Variants in C3orf20 observed in about 807,000 individuals in gnomAD.
C3orf20 encodes family with sequence similarity 149 member C, also known as uncharacterized protein C3orf20.
Under a neutral mutation model 88.3 loss-of-function variants are expected in C3orf20, and 76 were observed. That is an observed-to-expected ratio of 0.86 (90% confidence interval 0.72 to 1.04). C3orf20 has a LOEUF of 1.04. Ranked by LOEUF, C3orf20 falls within the 50% of genes least tolerant of loss-of-function variation. The pLI, the probability that C3orf20 is intolerant of heterozygous loss-of-function variation, is 0.00. For synonymous variants in C3orf20, 436 were observed against 437.4 expected (o/e 1.00, Z 0.04); for missense variants, 1,056 against 1,123.3 (o/e 0.94, Z 0.86).
intron 12 of C3orf20, among the ~76,000 whole-genome samples, chr3:14,736,590 CT>C (rs200133127): frequency 1.2e-3 from 167 of 143,012 alleles, no homozygotes; most frequent in Admixed American, 1.3e-3. Flanking sequence ...TGCGCCTGGC[CT>C]TTTTTTTTTT....
intron 5 of C3orf20, among the ~76,000 whole-genome samples, chr3:14,697,090 T>C (rs1406336875): frequency 6.6e-6 from 1 of 152,196 alleles, no homozygotes; most frequent in Non-Finnish European, 1.5e-5. Flanking sequence ...TCTTGCTGCT[T>C]TTAGGATCCT....
At chr3:14,730,460 T>G in intron 12 of C3orf20, among the ~76,000 whole-genome samples, 1 of 152,030 alleles carries the variant, frequency 6.6e-6, no homozygotes, top group African/African-American at 2.4e-5. Context: ...GGCAGGAGAA[T>G]GGCGTGAACC....
chr3:14,704,399 A>G lies in C3orf20; in HGVS notation c.941A>G (p.Tyr314Cys), dbSNP rs775139083. 4 of 1,614,034 alleles carry G rather than the reference A, an allele frequency of 2.5e-6. No individual in the cohort carries two copies. Among genetic ancestry groups the G allele is most frequent in the South Asian group, 2.2e-5 (2 of 91,082 alleles). The change falls in exon 7 of 17, where the codon TAC becomes TGC. Residue 314 changes from tyrosine to cysteine, a missense_variant. Transcript: ENST00000253697. The part of the protein sequence containing the change: ...NISYPMILRN[Y>C]KAKMPSHLML... The stretch of plus-strand genomic sequence containing the variant: ...TCCTACCCCATGATCTTACGAAACT[A>G]CAAGGCAAAGATGCCCTCTCATCTA...
intron 12 of C3orf20, among the ~76,000 whole-genome samples, chr3:14,743,676 C>T (rs573022248): frequency 2.6e-5 from 4 of 152,156 alleles, no homozygotes; most frequent in Admixed American, 1.3e-4. Flanking sequence ...AGCATCCAGG[C>T]GTTTCCATAC....
chr3:14,717,162 G>C (rs1242763057), intron 9 of C3orf20, among the ~76,000 whole-genome samples: 1 of 152,232 alleles, frequency 6.6e-6, no homozygotes, highest in Non-Finnish European at 1.5e-5. Flanking sequence ...AGTCTCAGCT[G>C]TCTCATCTAT....
chr3:14,767,426 T>G lies in C3orf20; in HGVS notation c.2496-4641T>G, dbSNP rs2035744606. ...AGGGAGGTGCCCTGGAGAGACAGTGTGCCCAGGTGATGCCACAAACCTGGC... is the reference window on the plus strand; with the variant it reads ...AGGGAGGTGCCCTGGAGAGACAGTGGGCCCAGGTGATGCCACAAACCTGGC... On this transcript the variant is annotated intron_variant, in intron 15 of 16. Transcript: ENST00000253697. 4 of 152,252 alleles carry G rather than the reference T, an allele frequency of 2.6e-5. No homozygotes were observed. In the South Asian group the frequency reaches 6.2e-4, roughly 24 times the overall value. The allele number at this position is 152,252 out of a possible 1,614,324, so 9.4% of individuals were successfully genotyped here.
chr3:14,720,881 T>G (rs1397603528), intron 9 of C3orf20, among the ~76,000 whole-genome samples: 1 of 152,234 alleles, frequency 6.6e-6, no homozygotes, highest in Non-Finnish European at 1.5e-5. Context: ...AATGATTTCA[T>G]GTGGAAGAAG....
rs766795133 is a variant in C3orf20, at chr3:14,759,929, G to A, written c.2283G>A (p.Leu761=). 1.2e-6 allele frequency: 2 copies of A among 1,614,142 alleles called. No individual in the cohort carries two copies. The highest frequency in any genetic ancestry group is 1.7e-5 in the Admixed American group (1 of 60,028). Residue 761 remains leucine, a synonymous_variant, in exon 14 of 17, where the codon CTG becomes CTA. Coordinates refer to ENST00000253697, the MANE Select transcript of C3orf20 (RefSeq NM_032137.5). ...YDSYRLLQYD[L]DSPLQEDPPL... ...CCTACCGCCTGCTGCAGTATGACCT[G>A]GACAGCCCCCTGCAGGAGGACCCTC...
rs556600705 is a variant in C3orf20, at chr3:14,720,221, G to A, written c.1435-1432G>A. Among the ~76,000 whole-genome samples the A allele has an allele frequency of 1.8e-4, 27 of 152,154 alleles. No individual in the cohort carries two copies. In the South Asian group the frequency reaches 2.1e-3, roughly 12 times the overall value. ...ATTTTTTTGTATATTTAGTAGAGAC[G>A]GGGTTTCACCGTATTAGCCAGGATG... On this transcript the variant is annotated intron_variant, in intron 9 of 16. Coordinates refer to ENST00000253697, the MANE Select transcript of C3orf20 (RefSeq NM_032137.5).
chr3:14,750,376 C>T (rs2035184597), intron 12 of C3orf20, among the ~76,000 whole-genome samples: 1 of 152,080 alleles, frequency 6.6e-6, no homozygotes, highest in African/African-American at 2.4e-5. Context: ...ATGGTGATAA[C>T]TTGTCTCTAC....
intron 12 of C3orf20, among the ~76,000 whole-genome samples, chr3:14,738,924 G>A (rs887586229): frequency 1.3e-5 from 2 of 150,638 alleles, no homozygotes; most frequent in East Asian, 2.0e-4. Flanking sequence ...CCAAAGTGCC[G>A]GGATTACAGG....
intron 3 of C3orf20, 139 bp downstream of exon 3, chr3:14,683,336 C>T: frequency 1.9e-6 from 2 of 1,075,564 alleles, no homozygotes; most frequent in Non-Finnish European, 2.6e-6. Flanking sequence ...CTGGAATCAT[C>T]CTCTCACTCC....
intron 12 of C3orf20, among the ~76,000 whole-genome samples, chr3:14,745,442 A>G (rs1490726520): frequency 1.3e-5 from 2 of 152,258 alleles, no homozygotes; most frequent in East Asian, 3.8e-4. Context: ...ATATTAAAAC[A>G]GTGTTCTGAA....
At chr3:14,739,711 A>G (rs2034843741) in intron 12 of C3orf20, among the ~76,000 whole-genome samples, 1 of 152,244 alleles carries the variant, frequency 6.6e-6, no homozygotes, top group Admixed American at 6.5e-5. Flanking sequence ...GTTGTTTAGT[A>G]TAGTCACCTT....
chr3:14,746,057 AT>A (rs1362769302), intron 12 of C3orf20, among the ~76,000 whole-genome samples: 2 of 152,172 alleles, frequency 1.3e-5, no homozygotes, highest in Admixed American at 1.3e-4. Flanking sequence ...CCCATTCTCC[AT>A]GTTTTACATA....
intron 12 of C3orf20, among the ~76,000 whole-genome samples, chr3:14,743,014 C>T (rs778524733): frequency 2.0e-5 from 3 of 151,850 alleles, no homozygotes; most frequent in Non-Finnish European, 2.9e-5. Flanking sequence ...TAATTCCACC[C>T]GTGGCCCCCC....
rs1177447245 is a variant in C3orf20, at chr3:14,682,722, C to T, written c.9C>T (p.Tyr3=). 5.6e-6 allele frequency: 9 copies of T among 1,608,896 alleles called. No individual in the cohort carries two copies. Among genetic ancestry groups the T allele is most frequent in the East Asian group, 2.2e-5 (1 of 44,854 alleles). Reference sequence around the variant, plus strand: ...AGCTGAAGGTCCCTCTCATGAGTTACATCAAGAGTAACCTAGAATTATATC... The same window carrying T: ...AGCTGAAGGTCCCTCTCATGAGTTATATCAAGAGTAACCTAGAATTATATC... MS[Y]IKSNLELYQQ... is the part of the protein sequence containing the mutation. Residue 3 remains tyrosine (Y), a synonymous_variant, in exon 3 of 17, where the codon TAC becomes TAT. Coordinates refer to ENST00000253697, the MANE Select transcript of C3orf20 (RefSeq NM_032137.5).
intron 5 of C3orf20, among the ~76,000 whole-genome samples, chr3:14,696,499 T>A (rs538248398): frequency 6.6e-6 from 1 of 151,786 alleles, no homozygotes; most frequent in South Asian, 2.1e-4. Context: ...CAAGCAAGCC[T>A]CCTGCCTCAG....
At chr3:14,718,451 C>A (rs2034020695) in intron 9 of C3orf20, among the ~76,000 whole-genome samples, 1 of 152,098 alleles carries the variant, frequency 6.6e-6, no homozygotes, top group African/African-American at 2.4e-5. Context: ...CTTACAAGTA[C>A]ATTTTCCCTT....
Sources: gnomAD v4.1 joint callset for allele counts (sites outside exome capture counted in the v4.1 genomes callset) on GRCh38, gnomAD v4.1.1 for gene constraint, MANE v1.5 for transcripts, NCBI Gene and HGNC (gene_info 2026-07-23, HGNC 2026-07-21) for gene names.